UGT1A10: variants seen among roughly 807,000 people sequenced by gnomAD.
UGT1A10 encodes the protein UDP glucuronosyltransferase family 1 member A10, also known as UDP-glucuronosyltransferase 1A10.
A neutral mutation model predicts 45.8 loss-of-function variants in UGT1A10; 49 were observed. That is an observed-to-expected ratio of 1.07 (90% CI 0.85 to 1.36). UGT1A10 has a LOEUF of 1.36. UGT1A10 is among the 40% of genes most tolerant of loss of function. UGT1A10 has a pLI of 0.00. For missense variants in UGT1A10, 745 were observed against 668.6 expected (o/e 1.11, Z -1.26); for synonymous variants, 284 against 249.7 (o/e 1.14, Z -1.29).
chr2:233,760,063 T>C (rs1697313793), intron 1 of UGT1A10, among the ~76,000 whole-genome samples: 1 of 152,194 alleles, frequency 6.6e-6, no homozygotes, highest in African/African-American at 2.4e-5. Flanking sequence ...GAATGTGATT[T>C]GAGTATGAAA....
rs2074503154 is a variant in UGT1A10 at position 233,680,937 on chromosome 2, A to G, written c.855+43560A>G. On this transcript the variant is annotated intron_variant, in intron 1 of 4. Transcript: ENST00000344644. ...TGAGGAAAGCCATTTAAAATAGGTGACAGTCACATTCCATCAAATTTCTGG... is the reference window on the plus strand; with the variant it reads ...TGAGGAAAGCCATTTAAAATAGGTGGCAGTCACATTCCATCAAATTTCTGG... Among the ~76,000 whole-genome samples, 3 of 152,126 alleles carry G rather than the reference A, an allele frequency of 2.0e-5. No homozygotes were observed. The South Asian group carries it at 6.2e-4, about 32-fold the overall frequency.
At chr2:233,738,135 C>T (rs965313683) in intron 1 of UGT1A10, among the ~76,000 whole-genome samples, 2 of 152,178 alleles carry the variant, frequency 1.3e-5, no homozygotes, top group African/African-American at 4.8e-5. Context: ...GGGCCCTTAT[C>T]CCTTCACTTG....
At chr2:233,741,956 CTTG>C (rs1315214944) in intron 1 of UGT1A10, 1 of 151,862 alleles carries the variant, frequency 6.6e-6, no homozygotes, top group East Asian at 1.9e-4. Flanking sequence ...AAGGTACTTT[CTTG>C]TTGTGTTTAT....
At chr2:233,647,810 A>G in intron 1 of UGT1A10, 1 of 788,888 alleles carries the variant, frequency 1.3e-6, no homozygotes, top group Non-Finnish European at 1.9e-6. Context: ...TTATCAAGTT[A>G]ATTGATTTGC....
rs199834645 is a variant in UGT1A10, at chr2:233,692,978, A to G, written c.855+55601A>G. On this transcript the variant is annotated intron_variant, in intron 1 of 4. Coordinates refer to ENST00000344644, the MANE Select transcript of UGT1A10 (RefSeq NM_019075.4). ...ATTTGGAGAGTGAAAACTCTTTATTACCGTTGTTACTTTAACTCTTTCCAG... is the reference window on the plus strand; with the variant it reads ...ATTTGGAGAGTGAAAACTCTTTATTGCCGTTGTTACTTTAACTCTTTCCAG... The G allele has an allele frequency of 1.2e-5, 19 of 1,612,834 alleles. No individual in the cohort carries two copies. In the African/African-American group the frequency reaches 2.1e-4, roughly 18 times the overall value.
chr2:233,719,718 T>C, intron 1 of UGT1A10: 1 of 1,613,900 alleles, frequency 6.2e-7, no homozygotes, highest in Non-Finnish European at 8.5e-7. Flanking sequence ...CCAATCAATG[T>C]TCCAGGCAAA....
chr2:233,642,892 C>T (rs892036921), intron 1 of UGT1A10, among the ~76,000 whole-genome samples: 1 of 152,132 alleles, frequency 6.6e-6, no homozygotes, highest in African/African-American at 2.4e-5. Context: ...CTCTCACTCT[C>T]TCTCTCTCTC....
In UGT1A10 at chr2:233,772,858, A is replaced by C; in HGVS notation, c.*299A>C. ...TAGATTACTTTTCTTACTCTGAAAC[A>C]TGGCCTGTTTGGGAGTGCGGGATTC... On this transcript the variant is annotated 3_prime_UTR_variant, in exon 5 of 5. Transcript: ENST00000344644. The C allele has an allele frequency of 1.4e-6, 1 of 719,796 alleles. No individual in the cohort carries two copies. The allele number at this position is 719,796 out of a possible 1,614,324, so 44.6% of individuals were successfully genotyped here.
intron 1 of UGT1A10, among the ~76,000 whole-genome samples, chr2:233,663,386 G>A (rs2074013236): frequency 6.6e-6 from 1 of 152,152 alleles, no homozygotes; most frequent in Admixed American, 6.5e-5. Flanking sequence ...TGATTGGTCA[G>A]GGATGAAATC....
chr2:233,742,567 C>G (rs1045281711), intron 1 of UGT1A10, among the ~76,000 whole-genome samples: 1 of 151,796 alleles, frequency 6.6e-6, no homozygotes, highest in Non-Finnish European at 1.5e-5. Flanking sequence ...AGCTTCTGGC[C>G]GGAATTGGGG....
chr2:233,761,375 C>T (rs1238115278), intron 1 of UGT1A10, among the ~76,000 whole-genome samples: 2 of 152,226 alleles, frequency 1.3e-5, no homozygotes, highest in Non-Finnish European at 2.9e-5. Context: ...GGACATTTTA[C>T]TCTGTGTGCT....
chr2:233,689,896 C>G (rs2074964875), intron 1 of UGT1A10: 1 of 456,544 alleles, frequency 2.2e-6, no homozygotes, highest in African/African-American at 2.0e-5. Context: ...ATTTATTTCT[C>G]AGGGCCAGGT....
chr2:233,753,217 G>T (rs1387240791), intron 1 of UGT1A10: 10 of 152,116 alleles, frequency 6.6e-5, no homozygotes, highest in Admixed American at 6.5e-4. Flanking sequence ...GTCTTATTTT[G>T]ATACTTCTTG....
intron 4 of UGT1A10, chr2:233,771,640 G>C (rs183876140): frequency 4.5e-4 from 68 of 152,464 alleles, no homozygotes; most frequent in African/African-American, 1.6e-3. Context: ...TTATTTTACT[G>C]TATGAAAATA....
chr2:233,728,311 T>G (rs1219809446), intron 1 of UGT1A10, among the ~76,000 whole-genome samples: 2 of 152,208 alleles, frequency 1.3e-5, no homozygotes, highest in Non-Finnish European at 1.5e-5. Flanking sequence ...GTGCAAGATC[T>G]GAGGCCAGGC....
chr2:233,759,973 C>G (rs1206858232), intron 1 of UGT1A10, among the ~76,000 whole-genome samples: 2 of 152,170 alleles, frequency 1.3e-5, no homozygotes, highest in African/African-American at 4.8e-5. Context: ...TTCTTCCTCT[C>G]TGGTAACACT....
intron 1 of UGT1A10, among the ~76,000 whole-genome samples, chr2:233,647,115 C>G (rs576168360): frequency 6.6e-6 from 1 of 152,132 alleles, no homozygotes; most frequent in African/African-American, 2.4e-5. Flanking sequence ...TTTAAAACCA[C>G]CAGATCTCGT....
intron 1 of UGT1A10, chr2:233,760,693 C>T (rs1697531217): frequency 1.9e-6 from 3 of 1,614,162 alleles, no homozygotes; most frequent in Non-Finnish European, 2.5e-6. Flanking sequence ...CAACAAGGAG[C>T]TCATGGCCTC....
intron 1 of UGT1A10, chr2:233,742,002 T>G (rs999682670): frequency 2.6e-5 from 4 of 151,956 alleles, no homozygotes; most frequent in African/African-American, 9.7e-5. Context: ...ACAGATACAC[T>G]TGGCTTTCAT....
Sources: allele counts gnomAD v4.1 joint callset (sites outside exome capture counted in the v4.1 genomes callset), GRCh38; gene constraint gnomAD v4.1.1; transcripts MANE v1.5; gene names NCBI Gene and HGNC (gene_info 2026-07-23, HGNC 2026-07-21).